The following BPIFB2 variants were observed in gnomAD, a reference collection of about 807,000 sequenced individuals.
BPIFB2 encodes BPI fold-containing family B member 2.
In BPIFB2, 39 loss-of-function variants were observed where a neutral mutation model predicts 50.1. The ratio of observed to expected loss-of-function variants is 0.78; its 90% CI spans 0.60 to 1.02. The LOEUF (loss-of-function observed/expected upper bound fraction) is 1.02, where lower values mean the gene tolerates loss of function less well. BPIFB2 is among the 50% of genes least tolerant of loss of function. The pLI is 0.00. For missense variants in BPIFB2, 574 were observed against 585.8 expected (o/e 0.98, Z 0.21); for synonymous variants, 280 against 256.3 (o/e 1.09, Z -0.88).
At chr20:33,016,204 C>A (rs1978422997) in intron 6 of BPIFB2, among the ~76,000 whole-genome samples, 1 of 152,084 alleles carries the variant, frequency 6.6e-6, no homozygotes, top group African/African-American at 2.4e-5. Flanking sequence ...CATGCCACCC[C>A]ACACCCCCCA....
intron 6 of BPIFB2, among the ~76,000 whole-genome samples, chr20:33,016,189 T>C (rs1356313617): frequency 6.6e-6 from 1 of 151,884 alleles, no homozygotes; most frequent in Admixed American, 6.6e-5. Context: ...GAAGTCAACC[T>C]CCTGCATGCC....
intron 14 of BPIFB2, 145 bp from the exon 15 acceptor site, chr20:33,021,578 C>T (rs754176344): frequency 7.2e-4 from 658 of 919,358 alleles, no homozygotes; most frequent in Non-Finnish European, 9.7e-4. Context: ...CTCTCTGAGC[C>T]CCAGCTTCCC....
chr20:33,019,238 C>T (rs1978559427), intron 10 of BPIFB2, 123 bp downstream of exon 10: 3 of 1,202,886 alleles, frequency 2.5e-6, no homozygotes, highest in East Asian at 2.4e-5. Flanking sequence ...TGTCCTTAAA[C>T]CTACTCCTCC....
In BPIFB2 at chr20:33,019,104, C is replaced by G; in HGVS notation, c.898C>G (p.Leu300Val). 1 of 1,614,122 alleles carries G rather than the reference C, an allele frequency of 6.2e-7. No homozygotes were observed. Among genetic ancestry groups the G allele is most frequent in the Non-Finnish European group, 8.5e-7 (1 of 1,180,020 alleles). ...NLLNTSALGRLIPEVARQFPE... is the reference protein window; with the variant it reads ...NLLNTSALGRVIPEVARQFPE... ...GCTGAACACCTCTGCTCTGGGCCGG[C>G]TCATCCCGGAGGTCGGTGATGTTTC... Residue 300 changes from leucine (L) to valine (V), a missense_variant, in exon 10 of 16, where the codon CTC becomes GTC. Coordinates refer to ENST00000170150, the MANE Select transcript of BPIFB2 (RefSeq NM_025227.3).
rs555346854 is a variant in BPIFB2 at position 33,019,882 on chromosome 20, C to T, written c.1080+132C>T. On this transcript the variant is annotated intron_variant, in intron 11 of 15. Transcript: ENST00000170150. ...TTCCTTGAATGTGTCAGGACACTCC[C>T]GCCCCAGGACCTTTGCATGTGCTGA... 22 of 1,198,268 alleles carry T rather than the reference C, an allele frequency of 1.8e-5. No individual in the cohort carries two copies. The East Asian group carries it at 2.4e-4, about 13-fold the overall frequency. The allele number at this position is 1,198,268 out of a possible 1,614,324, so 74.2% of individuals were successfully genotyped here.
In BPIFB2 at chr20:33,021,298, A is replaced by G. The variant is rs991174431; in HGVS notation, c.1212A>G (p.Thr404=). Residue 404 remains threonine, a synonymous_variant, in exon 14 of 16, where the codon ACA becomes ACG. Transcript: ENST00000170150. ...VGFIDTDQVR[T]LMGTVFEKPL... is the part of the protein sequence containing the mutation. Reference sequence around the variant, plus strand: ...GGCCACAGACAGATCAGGTGCGCACACTGATGGGCACCGTTTTTGAGAAGC... The same window carrying G: ...GGCCACAGACAGATCAGGTGCGCACGCTGATGGGCACCGTTTTTGAGAAGC... The G allele has an allele frequency of 3.7e-6, 6 of 1,613,834 alleles. No individual in the cohort carries two copies. The highest frequency in any genetic ancestry group is 2.2e-5 in the East Asian group (1 of 44,880).
At chr20:33,013,741 G>A (rs1990319303) in intron 4 of BPIFB2, 69 bp from the exon 5 acceptor site, 1 of 1,548,594 alleles carries the variant, frequency 6.5e-7, no homozygotes, top group Non-Finnish European at 8.7e-7. Flanking sequence ...GAATTTGTAA[G>A]ATCTATCATC....
At chr20:33,008,993 T>C (rs1342239936) in intron 2 of BPIFB2, among the ~76,000 whole-genome samples, 2 of 152,176 alleles carry the variant, frequency 1.3e-5, no homozygotes, top group East Asian at 1.9e-4. Flanking sequence ...TGTCTACTTA[T>C]GAGTTTGAAA....
rs1196203445 is a variant in BPIFB2, at chr20:33,011,226, A to G, written c.203+109A>G. ...GGGCATGTGCTCCTGCCTGCTGGGC[A>G]GATGCTCCTATCCACGGGGCAAAGT... On this transcript the variant is annotated intron_variant, in intron 3 of 15. Transcript: ENST00000170150. 3.9e-6 allele frequency: 4 copies of G among 1,038,128 alleles called. No individual in the cohort carries two copies. The Admixed American group carries it at 5.9e-5, about 15-fold the overall frequency. 64.3% of individuals were successfully genotyped at this position (1,038,128 alleles called of 1,614,324 possible).
rs1020400040 is a variant in BPIFB2 at position 33,009,157 on chromosome 20, G to T, written c.109+474G>T. Among the ~76,000 whole-genome samples the T allele has an allele frequency of 6.6e-6, 1 of 152,150 alleles. No individual in the cohort carries two copies. Among genetic ancestry groups the T allele is most frequent in the Non-Finnish European group, 1.5e-5 (1 of 68,034 alleles). ...GCACGCACGTGTGTTCTTGGGAGAG[G>T]TCTGTCTAGCACCGTGATGCAAGGA... On this transcript the variant is annotated intron_variant, in intron 2 of 15. Coordinates refer to ENST00000170150, the MANE Select transcript of BPIFB2 (RefSeq NM_025227.3). This position sits in a 1 kb window ranked among gnomAD's most constrained non-coding sequence, Gnocchi z 4.2.
intron 7 of BPIFB2, 44 bp downstream of exon 7, chr20:33,017,146 C>A (rs766557414): frequency 7.0e-6 from 11 of 1,578,408 alleles, no homozygotes; most frequent in Admixed American, 3.3e-5. Flanking sequence ...CCTCTGGGAC[C>A]CCCTGGAGCC....
At position 33,017,054 on chromosome 20, in the gene BPIFB2, A is replaced by G. The variant is rs1222632328; in HGVS notation, c.529A>G (p.Ile177Val). The G allele has an allele frequency of 6.2e-7, 1 of 1,613,982 alleles. No homozygotes were observed. The highest frequency in any genetic ancestry group is 8.5e-7 in the Non-Finnish European group (1 of 1,179,998). ...AVLSNKLCLSISNLVQGVNVH... is the reference protein window; with the variant it reads ...AVLSNKLCLSVSNLVQGVNVH... ...TGTCTTACCACAGCTGTGCCTGAGC[A>G]TCTCCAACCTGGTGCAGGGTGTCAA... The change falls in exon 7 of 16, where the codon ATC becomes GTC. Residue 177 changes from isoleucine to valine, a missense_variant. By Grantham distance (29) the Ile-to-Val change is conservative. Coordinates refer to ENST00000170150, the MANE Select transcript of BPIFB2 (RefSeq NM_025227.3).
At chr20:33,010,768 G>A (rs917299363) in intron 2 of BPIFB2, among the ~76,000 whole-genome samples, 2 of 152,076 alleles carry the variant, frequency 1.3e-5, no homozygotes, top group South Asian at 2.1e-4. Context: ...TTTGAAGGAC[G>A]GGGTAAATCA....
rs201673634 is a variant in BPIFB2, at chr20:33,020,602, G to A, written c.1194+15G>A. On this transcript the variant is annotated intron_variant, in intron 13 of 15. Transcript: ENST00000170150. ...GCTTCATTGATGTGAGTGTGGGGCT[G>A]GGGCCTCTAGAAACCCCCGTCCTGG... The A allele has an allele frequency of 7.8e-5, 124 of 1,595,964 alleles. No homozygotes were observed. Among genetic ancestry groups the A allele is most frequent in the Middle Eastern group, 6.7e-4 (4 of 5,962 alleles).
rs1978584844 is a variant in BPIFB2 at position 33,019,685 on chromosome 20, C to T, written c.1015C>T (p.Pro339Ser). Reference protein sequence around the residue: ...HTNNATLRLQPFVEVLATASN... With the variant: ...HTNNATLRLQSFVEVLATASN... The stretch of plus-strand genomic sequence containing the variant: ...AAACAACGCCACCCTGCGGCTGCAG[C>T]CCTTCGTGGAGGTCCTGGCCACAGC... The change falls in exon 11 of 16, where the codon CCC becomes TCC. Residue 339 changes from proline (P) to serine (S), a missense_variant. Physicochemically the swap from Pro to Ser is moderately conservative, Grantham distance 74. Coordinates refer to ENST00000170150, the MANE Select transcript of BPIFB2 (RefSeq NM_025227.3). 4 of 1,612,636 alleles carry T rather than the reference C, an allele frequency of 2.5e-6. No individual in the cohort carries two copies. The African/African-American group carries it at 5.3e-5, about 22-fold the overall frequency.
intron 14 of BPIFB2, 126 bp downstream of exon 14, chr20:33,021,470 T>A (rs1978668375): frequency 8.9e-7 from 1 of 1,122,382 alleles, no homozygotes; most frequent in African/African-American, 1.5e-5. Context: ...GCCTCTGGAG[T>A]CTAGCAGCCC....
intron 6 of BPIFB2, 130 bp downstream of exon 6, chr20:33,015,626 TG>T: frequency 1.2e-6 from 1 of 816,108 alleles, no homozygotes; most frequent in South Asian, 1.9e-5. Flanking sequence ...CGCCCCTTCA[TG>T]GTCCCCATGA....
At chr20:33,017,596 G>T (rs557246965) in intron 7 of BPIFB2, among the ~76,000 whole-genome samples, 1 of 152,186 alleles carries the variant, frequency 6.6e-6, no homozygotes, top group Non-Finnish European at 1.5e-5. Flanking sequence ...AAGGCTGCTC[G>T]GAGGGTCTGT....
At chr20:33,023,227 T>C in intron 15 of BPIFB2, 115 bp from the exon 16 acceptor site, 2 of 1,061,328 alleles carry the variant, frequency 1.9e-6, no homozygotes, top group Non-Finnish European at 2.9e-6. Context: ...CAAAGGACTC[T>C]CCTCACAACC....
Sources: allele counts gnomAD v4.1 joint callset (sites outside exome capture counted in the v4.1 genomes callset), GRCh38; gene constraint gnomAD v4.1.1; non-coding constraint Gnocchi (gnomAD v3.1); transcripts MANE v1.5; gene names NCBI Gene and HGNC (gene_info 2026-07-23, HGNC 2026-07-21).